VPS53: variants seen among roughly 807,000 people sequenced by gnomAD.
VPS53 encodes the protein VPS53 subunit of GARP complex, also known as vacuolar protein sorting-associated protein 53 homolog.
Under a neutral mutation model 107.0 loss-of-function variants are expected in VPS53, and 70 were observed. The observed-to-expected ratio is 0.65, with a 90% CI of 0.54 to 0.80. The LOEUF is 0.80. VPS53 is among the 30% of genes least tolerant of loss of function. The pLI is 0.00. For missense variants in VPS53, 917 were observed against 1,049.4 expected (o/e 0.87, Z 1.74); for synonymous variants, 409 against 393.3 (o/e 1.04, Z -0.47).
At chr17:673,924 C>G (rs983494706) in intron 4 of VPS53, 2 of 152,190 alleles carry the variant, frequency 1.3e-5, no homozygotes, top group East Asian at 1.9e-4. Flanking sequence ...ATTAAAATCA[C>G]AAGACGAGGC....
intron 11 of VPS53, among the ~76,000 whole-genome samples, chr17:606,511 C>T (rs555067022): frequency 1.3e-5 from 2 of 152,186 alleles, no homozygotes; most frequent in East Asian, 1.9e-4. Context: ...GCGTGTCAGG[C>T]GTGAGCTACA....
intron 12 of VPS53, among the ~76,000 whole-genome samples, chr17:597,462 A>G (rs1309070702): frequency 6.6e-6 from 1 of 152,194 alleles, no homozygotes; most frequent in Non-Finnish European, 1.5e-5. Flanking sequence ...GCGTGGGTGG[A>G]GGCATTAGTC....
At chr17:681,838 T>C (rs1439286211) in intron 4 of VPS53, among the ~76,000 whole-genome samples, 3 of 152,130 alleles carry the variant, frequency 2.0e-5, no homozygotes, top group Admixed American at 1.3e-4. Context: ...AAGGGGCAAA[T>C]GGCCATCCTT....
At chr17:546,333 A>T (rs940410936) in intron 17 of VPS53, among the ~76,000 whole-genome samples, 162 of 81,350 alleles carry the variant, frequency 2.0e-3, no homozygotes, top group African/African-American at 5.8e-3. Context: ...GATATCTCAC[A>T]CACACACACA....
intron 4 of VPS53, among the ~76,000 whole-genome samples, chr17:697,021 G>A (rs1223865015): frequency 6.6e-6 from 1 of 152,124 alleles, no homozygotes; most frequent in Non-Finnish European, 1.5e-5. Flanking sequence ...GCAAAGCGAG[G>A]TACGAGGAAA....
At chr17:704,110 C>T (rs1973313884) in intron 2 of VPS53, among the ~76,000 whole-genome samples, 1 of 152,072 alleles carries the variant, frequency 6.6e-6, no homozygotes, top group Admixed American at 6.6e-5. Flanking sequence ...ATTAGTTTTC[C>T]ATAAATTTCA....
intron 13 of VPS53, among the ~76,000 whole-genome samples, chr17:564,839 C>T (rs367662440): frequency 5.3e-5 from 8 of 152,140 alleles, no homozygotes; most frequent in Non-Finnish European, 1.0e-4. Context: ...GTAATTGTTC[C>T]GTTGAATTGT....
Position 601,846 on chromosome 17 carries a change from C to T in VPS53, c.1167G>A (p.Glu389=). 6.2e-7 allele frequency: 1 copy of T among 1,602,228 alleles called. No homozygotes were observed. Among genetic ancestry groups the T allele is most frequent in the Non-Finnish European group, 8.5e-7 (1 of 1,173,772 alleles). Residue 389 remains glutamate (E), a synonymous_variant, in exon 12 of 22, where the codon GAG becomes GAA. Coordinates refer to ENST00000437048, the MANE Select transcript of VPS53 (RefSeq NM_001128159.3). ...PPSTNPFLED[E]PTPEMEELAT... ...CCAGTTCCTCCATCTCTGGTGTTGG[C>T]TCATCTTCCAGGAAGGGATTGGTAG... is the stretch of plus-strand genomic sequence containing the variant.
intron 12 of VPS53, among the ~76,000 whole-genome samples, chr17:594,254 A>G (rs1178410787): frequency 5.3e-5 from 8 of 152,230 alleles, no homozygotes; most frequent in Non-Finnish European, 8.8e-5. Flanking sequence ...CCAGCATGGC[A>G]CATGTATACA....
At chr17:562,305 T>C (rs1913084253) in intron 14 of VPS53, among the ~76,000 whole-genome samples, 198 bp downstream of exon 14, 1 of 152,150 alleles carries the variant, frequency 6.6e-6, no homozygotes, top group Non-Finnish European at 1.5e-5. Flanking sequence ...GCAGTCAGTG[T>C]GGACATTTCC....
intron 2 of VPS53, among the ~76,000 whole-genome samples, chr17:701,429 G>A (rs1973193413): frequency 6.6e-6 from 1 of 152,074 alleles, no homozygotes; most frequent in Admixed American, 6.5e-5. Flanking sequence ...CCAGGCTGGA[G>A]TGCAATGGCG....
chr17:510,488 T>TCCTGGCTGACCCCTTACTAGTCACATATC lies in VPS53; in HGVS notation c.*8639_*8640insGATATGTGACTAGTAAGGGGTCAGCCAGG, dbSNP rs1907877202. 6.3e-5 allele frequency: 3 copies of TCCTGGCTGACCCCTTACTAGTCACATATC among 47,502 alleles called. No individual in the cohort carries two copies. Among genetic ancestry groups the TCCTGGCTGACCCCTTACTAGTCACATATC allele is most frequent in the African/African-American group, 4.0e-4 (3 of 7,434 alleles). 2.9% of individuals were successfully genotyped at this position (47,502 alleles called of 1,614,324 possible). On this transcript the variant is annotated 3_prime_UTR_variant, in exon 22 of 22. Coordinates refer to ENST00000437048, the MANE Select transcript of VPS53 (RefSeq NM_001128159.3). ...GGCTGACCCCTTACTAGTCACATAT[T>TCCTGGCTGACCCCTTACTAGTCACATATC]GAATCCTGGCTGACCCCTTACTAGT...
In VPS53 at chr17:532,431, T is replaced by C. The variant is rs1909665906; in HGVS notation, c.2085+411A>G. On this transcript the variant is annotated intron_variant, in intron 19 of 21. Coordinates refer to ENST00000437048, the MANE Select transcript of VPS53 (RefSeq NM_001128159.3). ...CCTGCCCCCATGCCCAGCTAATTTT[T>C]GTATTTTTAGTAGAGATGGGATTTC... 1.8e-5 allele frequency: 3 copies of C among 163,400 alleles called. No homozygotes were observed. The South Asian group carries it at 5.1e-4, about 28-fold the overall frequency. The allele number at this position is 163,400 out of a possible 1,614,324, so 10.1% of individuals were successfully genotyped here. A position where few individuals can be genotyped will look rare whatever the true frequency, so the allele number is the denominator to read the frequency against.
intron 13 of VPS53, among the ~76,000 whole-genome samples, chr17:571,083 CCAG>C (rs1395356661): frequency 6.6e-6 from 1 of 151,978 alleles, no homozygotes; most frequent in East Asian, 1.9e-4. Context: ...CTTTGGGAGG[CCAG>C]CAGATCACTT....
intron 6 of VPS53, among the ~76,000 whole-genome samples, chr17:654,038 A>C (rs1971074504): frequency 6.6e-6 from 1 of 152,094 alleles, no homozygotes. Context: ...TACTAAAAAT[A>C]CACAAAATTA....
chr17:708,418 T>C (rs1412733393), intron 2 of VPS53, among the ~76,000 whole-genome samples: 1 of 152,170 alleles, frequency 6.6e-6, no homozygotes, highest in Admixed American at 6.5e-5. Flanking sequence ...ACTTTAACAC[T>C]TTCACTAATT....
intron 13 of VPS53, among the ~76,000 whole-genome samples, chr17:571,550 GTCTCCC>G (rs950747489): frequency 2.5e-5 from 2 of 81,518 alleles, no homozygotes; most frequent in African/African-American, 9.6e-5. Context: ...TCTCCCCACG[GTCTCCC>G]TCTCCCTCTC....
At chr17:646,160 C>T (rs1327339782) in intron 7 of VPS53, among the ~76,000 whole-genome samples, 5 of 115,514 alleles carry the variant, frequency 4.3e-5, no homozygotes, top group African/African-American at 8.9e-5. Flanking sequence ...AGGGTCTTAT[C>T]TTTTCTAATT....
intron 4 of VPS53, among the ~76,000 whole-genome samples, chr17:663,651 G>A (rs892388289): frequency 6.6e-6 from 1 of 152,190 alleles, no homozygotes; most frequent in Non-Finnish European, 1.5e-5. Context: ...GATGTGTATA[G>A]ACCACATGCA....
Sources: allele counts gnomAD v4.1 joint callset (sites outside exome capture counted in the v4.1 genomes callset), GRCh38; gene constraint gnomAD v4.1.1; transcripts MANE v1.5; gene names NCBI Gene and HGNC (gene_info 2026-07-23, HGNC 2026-07-21).